The following ST6GALNAC3 variants were observed in gnomAD, a reference collection of about 807,000 sequenced individuals.
The protein encoded by ST6GALNAC3 is alpha-N-acetylgalactosaminide alpha-2,6-sialyltransferase 3.
ST6GALNAC3 carries 25 observed loss-of-function variants against 32.7 expected under a neutral mutation model. That is an observed-to-expected ratio of 0.76 (90% confidence interval 0.56 to 1.07). The LOEUF (loss-of-function observed/expected upper bound fraction) is 1.07, where lower values mean the gene tolerates loss of function less well. Ranked by LOEUF, ST6GALNAC3 falls within the 50% of genes least tolerant of loss-of-function variation. The pLI is 0.00. For missense variants in ST6GALNAC3, 355 were observed against 382.4 expected, an observed-to-expected ratio of 0.93 and a Z score of 0.60; for synonymous variants, 129 against 133.1, an observed-to-expected ratio of 0.97 and a Z score of 0.21.
At chr1:76,499,896 A>T (rs531933089) in intron 3 of ST6GALNAC3, among the ~76,000 whole-genome samples, 2 of 152,302 alleles carry the variant, frequency 1.3e-5, no homozygotes, top group Admixed American at 6.5e-5. Context: ...AGCCGTAAAT[A>T]GACAACCGAC....
At chr1:76,523,985 A>G (rs1476971889) in intron 3 of ST6GALNAC3, among the ~76,000 whole-genome samples, 2 of 152,114 alleles carry the variant, frequency 1.3e-5, no homozygotes, top group Non-Finnish European at 2.9e-5. Flanking sequence ...TCATTATTAC[A>G]CCTGTCCAAT....
chr1:76,425,476 A>C (rs1168569986), intron 3 of ST6GALNAC3, among the ~76,000 whole-genome samples: 4 of 151,948 alleles, frequency 2.6e-5, no homozygotes, highest in South Asian at 2.1e-4. Context: ...TCTTTTACAA[A>C]CATTCCTTGA....
intron 1 of ST6GALNAC3, among the ~76,000 whole-genome samples, chr1:76,253,569 G>C (rs2100704393): frequency 6.6e-6 from 1 of 152,248 alleles, no homozygotes; most frequent in East Asian, 1.9e-4. Flanking sequence ...CTGCTAGAAT[G>C]TTTCTCATAT....
intron 1 of ST6GALNAC3, among the ~76,000 whole-genome samples, chr1:76,208,950 T>A (rs984405515): frequency 6.6e-6 from 1 of 152,158 alleles, no homozygotes; most frequent in Admixed American, 6.5e-5. Context: ...CAGTTACCAG[T>A]TTATTTGGTC....
At chr1:76,539,006 G>C (rs928290129) in intron 3 of ST6GALNAC3, among the ~76,000 whole-genome samples, 17 of 152,078 alleles carry the variant, frequency 1.1e-4, no homozygotes, top group Non-Finnish European at 1.5e-5. Flanking sequence ...CATCGAATGA[G>C]AAAATACTAC....
At chr1:76,455,705 T>G (rs1384892338) in intron 3 of ST6GALNAC3, among the ~76,000 whole-genome samples, 2 of 152,154 alleles carry the variant, frequency 1.3e-5, no homozygotes. Context: ...GCCTATTCTC[T>G]AGGTATTGAC....
intron 3 of ST6GALNAC3, among the ~76,000 whole-genome samples, chr1:76,501,126 T>A (rs1201048155): frequency 6.6e-6 from 1 of 152,214 alleles, no homozygotes; most frequent in Non-Finnish European, 1.5e-5. Flanking sequence ...TTAAAATACA[T>A]GCCTTTCCTT....
intron 2 of ST6GALNAC3, among the ~76,000 whole-genome samples, chr1:76,408,611 G>A (rs1248785198): frequency 6.6e-6 from 1 of 151,926 alleles, no homozygotes; most frequent in African/African-American, 2.4e-5. Flanking sequence ...ACTTTCAGAG[G>A]TTACAATTGT....
intron 1 of ST6GALNAC3, among the ~76,000 whole-genome samples, chr1:76,267,509 A>C (rs1399658895): frequency 6.6e-6 from 1 of 152,202 alleles, no homozygotes; most frequent in Non-Finnish European, 1.5e-5. Context: ...TTTTCTTCAG[A>C]GTCTATCTGA....
At chr1:76,180,242 T>C (rs1319015371) in intron 1 of ST6GALNAC3, among the ~76,000 whole-genome samples, 3 of 152,224 alleles carry the variant, frequency 2.0e-5, no homozygotes, top group African/African-American at 7.2e-5. Flanking sequence ...TTCTTAATTA[T>C]GTGACACTCA....
At chr1:76,593,950 T>A (rs1647088994) in intron 3 of ST6GALNAC3, among the ~76,000 whole-genome samples, 1 of 152,172 alleles carries the variant, frequency 6.6e-6, no homozygotes, top group South Asian at 2.1e-4. Context: ...TGAGGATTAC[T>A]ACGATTCCCA....
chr1:76,504,617 T>C (rs188781039), intron 3 of ST6GALNAC3, among the ~76,000 whole-genome samples: 1 of 152,248 alleles, frequency 6.6e-6, no homozygotes, highest in African/African-American at 2.4e-5. Context: ...CGAGGAACCT[T>C]TATATGCTTG....
At chr1:76,433,917 A>G (rs1655947289) in intron 3 of ST6GALNAC3, among the ~76,000 whole-genome samples, 1 of 152,392 alleles carries the variant, frequency 6.6e-6, no homozygotes, top group South Asian at 2.1e-4. Context: ...TTATGGTAGC[A>G]TCACACTGTG....
chr1:76,243,835 GTT>G (rs1335643593), intron 1 of ST6GALNAC3, among the ~76,000 whole-genome samples: 1 of 152,204 alleles, frequency 6.6e-6, no homozygotes, highest in African/African-American at 2.4e-5. Flanking sequence ...GTACCATGCT[GTT>G]TTGGTTACTG....
chr1:76,431,397 A>C (rs1400755500), intron 3 of ST6GALNAC3, among the ~76,000 whole-genome samples: 1 of 152,210 alleles, frequency 6.6e-6, no homozygotes, highest in Non-Finnish European at 1.5e-5. Flanking sequence ...GGTAGCTGAA[A>C]GTTGAATTTT....
chr1:76,556,341 C>G (rs569135468), intron 3 of ST6GALNAC3, among the ~76,000 whole-genome samples: 29 of 152,144 alleles, frequency 1.9e-4, no homozygotes, highest in African/African-American at 6.5e-4. Context: ...TATCAACATT[C>G]ATGTACAAGT....
At chr1:76,315,460 T>A (rs1557779546) in intron 2 of ST6GALNAC3, among the ~76,000 whole-genome samples, 1 of 152,082 alleles carries the variant, frequency 6.6e-6, no homozygotes, top group South Asian at 2.1e-4. Context: ...GATTTCGGAG[T>A]GTGAAAGGAA....
At chr1:76,517,511 C>A (rs1325609812) in intron 3 of ST6GALNAC3, among the ~76,000 whole-genome samples, 2 of 151,634 alleles carry the variant, frequency 1.3e-5, no homozygotes, top group Non-Finnish European at 2.9e-5. Flanking sequence ...TTAATCAAGC[C>A]AACCTTGATT....
intron 3 of ST6GALNAC3, among the ~76,000 whole-genome samples, chr1:76,561,164 A>C (rs1665219246): frequency 6.6e-6 from 1 of 152,162 alleles, no homozygotes; most frequent in Admixed American, 6.6e-5. Flanking sequence ...AATAGAATTC[A>C]TGGAGATAGA....
Sources: gnomAD v4.1 joint callset for allele counts (sites outside exome capture counted in the v4.1 genomes callset) on GRCh38, gnomAD v4.1.1 for gene constraint, MANE v1.5 for transcripts, NCBI Gene and HGNC (gene_info 2026-07-23, HGNC 2026-07-21) for gene names.